The following HS6ST3 variants were observed in gnomAD, a reference collection of about 807,000 sequenced individuals.
HS6ST3 encodes heparan sulfate 6-O-sulfotransferase 3.
A neutral mutation model predicts 36.7 loss-of-function variants in HS6ST3; 12 were observed. The observed-to-expected ratio is 0.33, with a 90% CI of 0.21 to 0.53. The LOEUF (loss-of-function observed/expected upper bound fraction) is 0.53, where lower values mean the gene tolerates loss of function less well. Ranked by LOEUF, HS6ST3 falls within the 20% of genes least tolerant of loss-of-function variation. The pLI is 0.95. For synonymous variants in HS6ST3, 240 were observed against 257.5 expected (o/e 0.93, Z 0.65); for missense variants, 584 against 640.9 (o/e 0.91, Z 0.96).
chr13:96,205,530 A>G (rs1196094008), intron 1 of HS6ST3, among the ~76,000 whole-genome samples: 2 of 152,176 alleles, frequency 1.3e-5, no homozygotes, highest in African/African-American at 4.8e-5. Context: ...ACAACAAAAA[A>G]AAACTTCAGG....
intron 1 of HS6ST3, among the ~76,000 whole-genome samples, chr13:96,202,141 A>G (rs1195647682): frequency 6.6e-6 from 1 of 152,140 alleles, no homozygotes; most frequent in Non-Finnish European, 1.5e-5. Context: ...TATCCCCTAA[A>G]TCCTCCTTTT....
chr13:96,594,760 C>A (rs1436164016), intron 1 of HS6ST3, among the ~76,000 whole-genome samples: 1 of 152,176 alleles, frequency 6.6e-6, no homozygotes, highest in African/African-American at 2.4e-5. Context: ...GTGATTTACA[C>A]ACCACCATTA....
At chr13:96,296,355 G>A (rs766704113) in intron 1 of HS6ST3, among the ~76,000 whole-genome samples, 2 of 152,130 alleles carry the variant, frequency 1.3e-5, no homozygotes, top group Non-Finnish European at 2.9e-5. Flanking sequence ...GGAGCAATCA[G>A]CTCCCATTAC....
chr13:96,207,355 G>T lies in HS6ST3; in HGVS notation c.707+115786G>T, dbSNP rs1044988499. On this transcript the variant is annotated intron_variant, in intron 1 of 1. Transcript: ENST00000376705. ...AAAAGGAATGCTTTTCCTTTTTCTT[G>T]TTCATTTTCCTTTTTCTTGTTGGTG... is the stretch of plus-strand genomic sequence containing the variant. 5.3e-5 allele frequency among the ~76,000 whole-genome samples: 8 copies of T among 151,836 alleles called. No homozygotes were observed. The East Asian group carries it at 5.8e-4, about 11-fold the overall frequency.
intron 1 of HS6ST3, among the ~76,000 whole-genome samples, chr13:96,201,449 C>T (rs183638945): frequency 3.2e-4 from 49 of 152,120 alleles, no homozygotes; most frequent in South Asian, 8.3e-4. Context: ...AAATTGATAT[C>T]GAAAGTAAAA....
chr13:96,282,077 C>G (rs992860344), intron 1 of HS6ST3, among the ~76,000 whole-genome samples: 1 of 152,198 alleles, frequency 6.6e-6, no homozygotes, highest in Non-Finnish European at 1.5e-5. Flanking sequence ...TTCTCAGTAA[C>G]TATTCTAAAC....
intron 1 of HS6ST3, among the ~76,000 whole-genome samples, chr13:96,570,170 G>A (rs554928991): frequency 6.6e-6 from 1 of 152,102 alleles, no homozygotes; most frequent in South Asian, 2.1e-4. Flanking sequence ...GTCTGGTTTG[G>A]TTTATATCCT....
At chr13:96,114,606 T>C (rs1262346457) in intron 1 of HS6ST3, among the ~76,000 whole-genome samples, 1 of 152,214 alleles carries the variant, frequency 6.6e-6, no homozygotes, top group East Asian at 1.9e-4. Context: ...GGGATAATAA[T>C]AGGGCCTACC....
chr13:96,821,441 C>T (rs1355055104), intron 1 of HS6ST3, among the ~76,000 whole-genome samples: 1 of 152,150 alleles, frequency 6.6e-6, no homozygotes, highest in Non-Finnish European at 1.5e-5. Flanking sequence ...GAAGAAACTG[C>T]CAAAACTATT....
chr13:96,181,742 T>C (rs558458525), intron 1 of HS6ST3, among the ~76,000 whole-genome samples: 18 of 152,306 alleles, frequency 1.2e-4, no homozygotes, highest in African/African-American at 3.4e-4. Context: ...ATCTTTTAGA[T>C]TGAGCGTATT....
chr13:96,821,297 G>T (rs1433050316), intron 1 of HS6ST3, among the ~76,000 whole-genome samples: 1 of 152,184 alleles, frequency 6.6e-6, no homozygotes, highest in African/African-American at 2.4e-5. Context: ...CTGTCTCCCT[G>T]CAGGTAGAAA....
At chr13:96,528,207 A>G (rs1404880977) in intron 1 of HS6ST3, among the ~76,000 whole-genome samples, 1 of 152,218 alleles carries the variant, frequency 6.6e-6, no homozygotes, top group Admixed American at 6.5e-5. Flanking sequence ...ATTGAATTGT[A>G]AGCTTTACTT....
At chr13:96,788,156 G>T (rs1877697981) in intron 1 of HS6ST3, among the ~76,000 whole-genome samples, 1 of 151,814 alleles carries the variant, frequency 6.6e-6, no homozygotes, top group South Asian at 2.1e-4. Context: ...CTTATAGTAA[G>T]CCTTAAAATC....
chr13:96,796,878 C>T lies in HS6ST3; in HGVS notation c.708-35612C>T, dbSNP rs188716029. Reference sequence around the variant, plus strand: ...GAGCATTTATTTGGTAGGGGACTATCGATCAGGCCATAATACAGTGAATAT... The same window carrying T: ...GAGCATTTATTTGGTAGGGGACTATTGATCAGGCCATAATACAGTGAATAT... On this transcript the variant is annotated intron_variant, in intron 1 of 1. Coordinates refer to ENST00000376705, the MANE Select transcript of HS6ST3 (RefSeq NM_153456.4). Among the ~76,000 whole-genome samples the T allele has an allele frequency of 7.4e-4, 112 of 152,072 alleles. 1 individual carries two copies. In the South Asian group the frequency reaches 9.1e-3, roughly 12 times the overall value.
chr13:96,609,171 T>C (rs1404798657), intron 1 of HS6ST3, among the ~76,000 whole-genome samples: 1 of 150,968 alleles, frequency 6.6e-6, no homozygotes, highest in African/African-American at 2.4e-5. Context: ...GGGACTTCAC[T>C]GTGTTAGCCA....
intron 1 of HS6ST3, among the ~76,000 whole-genome samples, chr13:96,142,033 CAAAAAA>C (rs3084964): frequency 2.2e-4 from 22 of 101,130 alleles, no homozygotes; most frequent in Non-Finnish European, 3.1e-4. Context: ...GTGGTCATGG[CAAAAAA>C]AAAAAAAAAA....
chr13:96,340,627 A>C, intron 1 of HS6ST3, among the ~76,000 whole-genome samples: 1 of 152,204 alleles, frequency 6.6e-6, no homozygotes, highest in Middle Eastern at 3.2e-3. Context: ...GGACCTGCTC[A>C]GGTTTCCCAA....
chr13:96,608,224 T>A (rs2056445681), intron 1 of HS6ST3, among the ~76,000 whole-genome samples: 1 of 152,176 alleles, frequency 6.6e-6, no homozygotes, highest in South Asian at 2.1e-4. Context: ...CTGACTTTCC[T>A]AAATGAACTA....
At chr13:96,344,410 C>G (rs1407722876) in intron 1 of HS6ST3, among the ~76,000 whole-genome samples, 1 of 152,176 alleles carries the variant, frequency 6.6e-6, no homozygotes, top group Non-Finnish European at 1.5e-5. Flanking sequence ...GATTGAGTCT[C>G]AAAATGTAGA....
Sources: gnomAD v4.1 joint callset for allele counts (sites outside exome capture counted in the v4.1 genomes callset) on GRCh38, gnomAD v4.1.1 for gene constraint, MANE v1.5 for transcripts, NCBI Gene and HGNC (gene_info 2026-07-23, HGNC 2026-07-21) for gene names.